Variants in SSC5D observed in about 807,000 individuals in gnomAD.
SSC5D encodes soluble scavenger receptor cysteine-rich domain-containing protein SSC5D.
Under a neutral mutation model 104.6 loss-of-function variants are expected in SSC5D, and 106 were observed. That is an observed-to-expected ratio of 1.01 (90% CI 0.87 to 1.19). The LOEUF (loss-of-function observed/expected upper bound fraction) is 1.19. Ranked by LOEUF, SSC5D falls within the 50% of genes most tolerant of loss-of-function variation. The pLI is 0.00. For missense variants in SSC5D, 1,993 were observed against 2,153.8 expected (o/e 0.93, Z 1.48); for synonymous variants, 860 against 883.5 (o/e 0.97, Z 0.47).
intron 13 of SSC5D, 71 bp downstream of exon 13, chr19:55,513,243 T>C (rs1987798476): frequency 7.3e-7 from 1 of 1,366,146 alleles, no homozygotes; most frequent in Non-Finnish European, 9.7e-7. Context: ...GATTCCAGAC[T>C]CCCCACTGGA....
intron 12 of SSC5D, among the ~76,000 whole-genome samples, chr19:55,501,509 T>G (rs1049428828): frequency 1.7e-4 from 26 of 152,272 alleles, no homozygotes; most frequent in African/African-American, 6.0e-4. Context: ...CAAGGGCCAT[T>G]CTGTCATCAC....
In SSC5D at chr19:55,518,769, G is replaced by A. The variant is rs187632163; in HGVS notation, c.4493G>A (p.Arg1498Lys). Reference protein sequence around the residue: ...PALVELVAAVRDVGGQLQRLT... With the variant: ...PALVELVAAVKDVGGQLQRLT... ...CTGGTGGAGCTGGTGGCTGCTGTGA[G>A]GGATGTGGGTGGTCAGCTGCAGAGA... The change falls in exon 14 of 14, where the codon AGG (arginine) becomes AAG (lysine). Residue 1498 changes from arginine (R) to lysine (K), a missense_variant. Physicochemically the swap from Arg to Lys is conservative, Grantham distance 26 (BLOSUM62 2). This residue lies in a region of SSC5D where 349 missense variants were observed against 397.6 expected (regional missense o/e 0.88). Coordinates refer to ENST00000389623, the MANE Select transcript of SSC5D (RefSeq NM_001144950.2). 130 of 1,550,808 alleles carry A rather than the reference G, an allele frequency of 8.4e-5. No individual in the cohort carries two copies. The East Asian group carries it at 3.2e-3, about 38-fold the overall frequency.
At chr19:55,504,188 C>A (rs1274932621) in intron 12 of SSC5D, 2 of 1,534,396 alleles carry the variant, frequency 1.3e-6, no homozygotes, top group Non-Finnish European at 1.7e-6. Context: ...CCTCCCTAGC[C>A]CATAGCGCCC....
chr19:55,498,361 G>T (rs1456838062), intron 9 of SSC5D, among the ~76,000 whole-genome samples, 164 bp downstream of exon 9: 1 of 152,196 alleles, frequency 6.6e-6, no homozygotes, highest in Non-Finnish European at 1.5e-5. Flanking sequence ...GTCTAGGGTG[G>T]TGTGTGTTAT....
In SSC5D at chr19:55,491,554, G is replaced by A. The variant is rs755286906; in HGVS notation, c.895+474G>A. The A allele has an allele frequency of 3.7e-5, 6 of 161,440 alleles. No individual in the cohort carries two copies. In the East Asian group the frequency reaches 9.5e-4, roughly 26 times the overall value. The allele number at this position is 161,440 out of a possible 1,614,324, so 10.0% of individuals were successfully genotyped here. A position where few individuals can be genotyped will look rare whatever the true frequency, so the allele number is the denominator to read the frequency against. On this transcript the variant is annotated intron_variant, in intron 6 of 13. Coordinates refer to ENST00000389623, the MANE Select transcript of SSC5D (RefSeq NM_001144950.2). ...GTGGGAAGGAGGGAGGGAGGGCGGT[G>A]ACTTGGGGGCATGGAGGGAGACTGA...
At chr19:55,502,733 G>A (rs1262450610) in intron 12 of SSC5D, among the ~76,000 whole-genome samples, 1 of 152,100 alleles carries the variant, frequency 6.6e-6, no homozygotes, top group Non-Finnish European at 1.5e-5. Flanking sequence ...TCAGTTCACT[G>A]CAGCCTTGAA....
intron 9 of SSC5D, among the ~76,000 whole-genome samples, chr19:55,499,423 G>A (rs898382621): frequency 6.6e-6 from 1 of 152,160 alleles, no homozygotes; most frequent in South Asian, 2.1e-4. Flanking sequence ...GTGGCCTGTC[G>A]GACCTGGGTA....
intron 12 of SSC5D, chr19:55,504,162 T>A (rs1302229572): frequency 1.3e-6 from 2 of 1,535,626 alleles, no homozygotes; most frequent in Non-Finnish European, 1.7e-6. Context: ...GTTCAAGGAC[T>A]GCCAGGGTTG....
At chr19:55,511,201 C>G (rs928029711) in intron 12 of SSC5D, among the ~76,000 whole-genome samples, 1 of 152,154 alleles carries the variant, frequency 6.6e-6, no homozygotes, top group Non-Finnish European at 1.5e-5. Context: ...GTTAATAATA[C>G]GAAGGCATGA....
At chr19:55,512,350 T>A (rs1370279070) in intron 12 of SSC5D, among the ~76,000 whole-genome samples, 2 of 125,200 alleles carry the variant, frequency 1.6e-5, no homozygotes, top group Non-Finnish European at 3.2e-5. Context: ...TATATAGAGA[T>A]TAAGTGCATT....
intron 8 of SSC5D, among the ~76,000 whole-genome samples, chr19:55,495,228 TATATA>T (rs1206858174): frequency 2.9e-5 from 1 of 34,712 alleles, no homozygotes; most frequent in Non-Finnish European, 5.9e-5. Flanking sequence ...TATATATATA[TATATA>T]TTTTTTTTTT....
At chr19:55,494,851 C>T (rs1987268546) in intron 8 of SSC5D, 68 bp downstream of exon 8, 24 of 1,453,870 alleles carry the variant, frequency 1.7e-5, no homozygotes, top group Non-Finnish European at 2.2e-5. Context: ...AGCTCTGAGA[C>T]TGTCTCATGG....
rs1385849254 is a variant in SSC5D at position 55,488,631 on chromosome 19, C to T, written c.25+17C>T. On this transcript the variant is annotated intron_variant, in intron 1 of 13. Coordinates refer to ENST00000389623, the MANE Select transcript of SSC5D (RefSeq NM_001144950.2). ...GCCTCCTTGGTGAGTGATCCATTCT[C>T]CTTGGGGACTCGGGGGGCCTAGGCC... 2 of 1,549,784 alleles carry T rather than the reference C, an allele frequency of 1.3e-6. No homozygotes were observed. The highest frequency in any genetic ancestry group is 1.2e-5 in the South Asian group (1 of 84,004).
chr19:55,489,282 C>T, intron 2 of SSC5D, 72 bp from the exon 3 acceptor site: 1 of 1,393,172 alleles, frequency 7.2e-7, no homozygotes, highest in Non-Finnish European at 9.3e-7. Context: ...AGCCACCTGC[C>T]CCTACAGTTG....
chr19:55,490,742 C>G, intron 5 of SSC5D, 30 bp from the exon 6 acceptor site: 1 of 1,456,316 alleles, frequency 6.9e-7, no homozygotes, highest in Non-Finnish European at 9.0e-7. Context: ...TCTCACTGGC[C>G]ACACCGTCCC....
chr19:55,516,891 C>T (rs933935516), intron 13 of SSC5D, among the ~76,000 whole-genome samples: 1 of 152,052 alleles, frequency 6.6e-6, no homozygotes, highest in Non-Finnish European at 1.5e-5. Flanking sequence ...CGCTTCTGAG[C>T]ACTCCCGCCC....
chr19:55,491,363 A>G, intron 6 of SSC5D: 2 of 431,572 alleles, frequency 4.6e-6, no homozygotes, highest in Non-Finnish European at 8.3e-6. Flanking sequence ...GTTTTCCTGA[A>G]GGAGCGATGG....
At position 55,500,910 on chromosome 19, in the gene SSC5D, A is replaced by G; in HGVS notation, c.2617+106A>G. 3 of 1,270,288 alleles carry G rather than the reference A, an allele frequency of 2.4e-6. No individual in the cohort carries two copies. The highest frequency in any genetic ancestry group is 2.2e-6 in the Non-Finnish European group (2 of 913,762). 78.7% of individuals were successfully genotyped at this position (1,270,288 alleles called of 1,614,324 possible). On this transcript the variant is annotated intron_variant, in intron 11 of 13. Transcript: ENST00000389623. The surrounding 1 kb of genome is among the most constrained non-coding windows in gnomAD (Gnocchi z 4.6). ...CATGGTCGACTCTAAAGAACTGGGT[A>G]TGAGGGGTCGGGGTGGGGAGATCCC... is the stretch of plus-strand genomic sequence containing the variant.
At chr19:55,502,293 A>G (rs916306321) in intron 12 of SSC5D, among the ~76,000 whole-genome samples, 1 of 141,878 alleles carries the variant, frequency 7.0e-6, no homozygotes, top group African/African-American at 2.6e-5. Context: ...AATTTCTCAC[A>G]CTCGTCTTTA....
Sources: gnomAD v4.1 joint callset for allele counts (sites outside exome capture counted in the v4.1 genomes callset) on GRCh38, gnomAD v4.1.1 for gene constraint, gnomAD v4.1.1 regional missense constraint, Gnocchi (gnomAD v3.1) non-coding constraint, MANE v1.5 for transcripts, NCBI Gene and HGNC (gene_info 2026-07-23, HGNC 2026-07-21) for gene names.